The following ARHGAP26 variants were observed in gnomAD, a reference collection of about 807,000 sequenced individuals.
The protein encoded by ARHGAP26 is rho GTPase-activating protein 26.
ARHGAP26 carries 38 observed loss-of-function variants against 104.8 expected under a neutral mutation model. The observed-to-expected ratio is 0.36, with a 90% confidence interval of 0.28 to 0.48. The LOEUF (loss-of-function observed/expected upper bound fraction) is 0.48, where lower values mean the gene tolerates loss of function less well. ARHGAP26 is among the 20% of genes least tolerant of loss of function. The pLI is 0.99. For synonymous variants in ARHGAP26, 341 were observed against 340.0 expected (o/e 1.00, Z -0.03); for missense variants, 704 against 947.9 (o/e 0.74, Z 3.38).
chr5:142,995,576 A>G (rs1299695639), intron 11 of ARHGAP26, among the ~76,000 whole-genome samples: 1 of 152,248 alleles, frequency 6.6e-6, no homozygotes, highest in African/African-American at 2.4e-5. Context: ...AGTGTAAATT[A>G]GTTCAACCGT....
chr5:142,873,811 C>T (rs908292047), intron 2 of ARHGAP26, among the ~76,000 whole-genome samples: 1 of 152,082 alleles, frequency 6.6e-6, no homozygotes. Context: ...GTACTAAGAG[C>T]TTAGAGCATA....
chr5:143,025,298 T>A (rs570512178), intron 12 of ARHGAP26, among the ~76,000 whole-genome samples: 6 of 152,328 alleles, frequency 3.9e-5, no homozygotes, highest in African/African-American at 1.4e-4. Context: ...CTTAGGCCTT[T>A]GATTCTGAAT....
chr5:142,997,040 A>C (rs1043844626), intron 11 of ARHGAP26, among the ~76,000 whole-genome samples: 1 of 152,180 alleles, frequency 6.6e-6, no homozygotes. Context: ...ACTGAACTCT[A>C]TTGTAGCACA....
intron 1 of ARHGAP26, among the ~76,000 whole-genome samples, chr5:142,841,801 C>T (rs187784025): frequency 1.4e-4 from 21 of 152,296 alleles, no homozygotes; most frequent in South Asian, 1.2e-3. Context: ...GTGCCTGAGT[C>T]GTGTGGAAGG....
intron 19 of ARHGAP26, among the ~76,000 whole-genome samples, chr5:143,137,435 G>A (rs1599179193): frequency 6.6e-6 from 1 of 152,328 alleles, no homozygotes; most frequent in East Asian, 1.9e-4. Context: ...AGTGACACCT[G>A]TCCTGGTTTG....
intron 10 of ARHGAP26, among the ~76,000 whole-genome samples, chr5:142,922,299 G>A (rs1296502749): frequency 6.6e-6 from 1 of 152,098 alleles, no homozygotes. Context: ...ATCATCTTAT[G>A]TAACAGACTT....
intron 17 of ARHGAP26, among the ~76,000 whole-genome samples, chr5:143,106,576 G>T (rs1218708004): frequency 6.8e-6 from 1 of 147,964 alleles, no homozygotes; most frequent in Non-Finnish European, 1.5e-5. Flanking sequence ...GGGTTCAGGC[G>T]ATTCTCCTGC....
chr5:143,012,259 T>C (rs1004434101), intron 11 of ARHGAP26, among the ~76,000 whole-genome samples: 1 of 151,760 alleles, frequency 6.6e-6, no homozygotes, highest in Admixed American at 6.6e-5. Flanking sequence ...TGATTTGTTA[T>C]ATTTAGAGCT....
At chr5:142,854,092 A>G (rs6863309) in intron 1 of ARHGAP26, among the ~76,000 whole-genome samples, 2,214 of 152,354 alleles carry the variant, frequency 0.015, 53 homozygotes, top group African/African-American at 0.05. Context: ...TTATGTTTTT[A>G]AAAGCTTGTC....
At chr5:143,013,561 C>G (rs1779176154) in intron 11 of ARHGAP26, among the ~76,000 whole-genome samples, 1 of 152,168 alleles carries the variant, frequency 6.6e-6, no homozygotes, top group Admixed American at 6.5e-5. Flanking sequence ...CCGGTATTAA[C>G]AGTCAACAGT....
chr5:143,087,272 A>G (rs1436928110), intron 17 of ARHGAP26, among the ~76,000 whole-genome samples: 3 of 152,236 alleles, frequency 2.0e-5, no homozygotes, highest in African/African-American at 7.2e-5. Context: ...GGGAAGCCAG[A>G]GCTGTTGCCA....
chr5:143,103,646 A>G (rs1459033392), intron 17 of ARHGAP26, among the ~76,000 whole-genome samples: 1 of 152,240 alleles, frequency 6.6e-6, no homozygotes, highest in Non-Finnish European at 1.5e-5. Flanking sequence ...TGTCCTTTGC[A>G]GGGACATGGA....
chr5:143,217,266 G>A (rs1041412554), intron 22 of ARHGAP26, among the ~76,000 whole-genome samples: 5 of 152,154 alleles, frequency 3.3e-5, no homozygotes, highest in African/African-American at 1.2e-4. Flanking sequence ...GGCCCCTACT[G>A]TGACTCTGGA....
chr5:143,074,252 A>G (rs764846279), intron 17 of ARHGAP26, among the ~76,000 whole-genome samples: 2 of 152,168 alleles, frequency 1.3e-5, no homozygotes, highest in Non-Finnish European at 2.9e-5. Flanking sequence ...AAACTGTATT[A>G]TTTTGTGTGT....
chr5:142,784,426 G>A (rs1026106787), intron 1 of ARHGAP26, among the ~76,000 whole-genome samples: 6 of 152,284 alleles, frequency 3.9e-5, no homozygotes, highest in East Asian at 3.9e-4. Flanking sequence ...GCTTGAAACC[G>A]TACGTAATTT....
At chr5:143,058,692 A>T (rs1469487642) in intron 17 of ARHGAP26, among the ~76,000 whole-genome samples, 1 of 152,260 alleles carries the variant, frequency 6.6e-6, no homozygotes, top group East Asian at 1.9e-4. Flanking sequence ...GGATAAGTTG[A>T]TATTCTTCTG....
intron 11 of ARHGAP26, among the ~76,000 whole-genome samples, chr5:143,002,110 T>G (rs1018845614): frequency 3.9e-5 from 6 of 152,142 alleles, no homozygotes; most frequent in African/African-American, 1.4e-4. Flanking sequence ...CGAGTTGCAA[T>G]GAAGACAGCT....
At position 143,225,965 on chromosome 5, in the gene ARHGAP26, T is replaced by A. The variant is rs1342286037; in HGVS notation, c.*3519T>A. 1 of 216,736 alleles carries A rather than the reference T, an allele frequency of 4.6e-6. No homozygotes were observed. The highest frequency in any genetic ancestry group is 5.8e-5 in the Admixed American group (1 of 17,256). 13.4% of individuals were successfully genotyped at this position (216,736 alleles called of 1,614,324 possible). On this transcript the variant is annotated 3_prime_UTR_variant, in exon 23 of 23. Transcript: ENST00000645722. ...TACTCTCTCCCCTATCCATGCCCCC[T>A]ACCTCTGACTCTCTCTGTGTGAACA...
At chr5:143,006,141 C>G (rs1443436889) in intron 11 of ARHGAP26, among the ~76,000 whole-genome samples, 1 of 152,078 alleles carries the variant, frequency 6.6e-6, no homozygotes, top group Non-Finnish European at 1.5e-5. Context: ...ATCCTGTTTT[C>G]TCTTAGGAAG....
Sources: gnomAD v4.1 joint callset for allele counts (sites outside exome capture counted in the v4.1 genomes callset) on GRCh38, gnomAD v4.1.1 for gene constraint, MANE v1.5 for transcripts, NCBI Gene and HGNC (gene_info 2026-07-23, HGNC 2026-07-21) for gene names.